Variants in RASGRP3 observed in about 807,000 individuals in gnomAD.
RASGRP3 encodes the protein RAS guanyl releasing protein 3, also known as ras guanyl-releasing protein 3.
RASGRP3 carries 54 observed loss-of-function variants against 82.7 expected under a neutral mutation model. The ratio of observed to expected loss-of-function variants is 0.65; its 90% CI spans 0.52 to 0.82. RASGRP3 has a LOEUF of 0.82. Among genes scored for constraint, RASGRP3 ranks in the 40% least tolerant of loss-of-function variants. The pLI, the probability that RASGRP3 is intolerant of heterozygous loss-of-function variation, is 0.00. For missense variants in RASGRP3, 861 were observed against 828.9 expected (o/e 1.04, Z -0.48); for synonymous variants, 309 against 300.5 (o/e 1.03, Z -0.29).
chr2:33,495,665 A>G (rs1174959602), intron 1 of RASGRP3, among the ~76,000 whole-genome samples: 1 of 152,188 alleles, frequency 6.6e-6, no homozygotes, highest in African/African-American at 2.4e-5. Flanking sequence ...GCTGAGGCAG[A>G]AGGACTGCTT....
At chr2:33,538,426 T>G (rs989340770) in intron 11 of RASGRP3, among the ~76,000 whole-genome samples, 1 of 151,454 alleles carries the variant, frequency 6.6e-6, no homozygotes, top group Non-Finnish European at 1.5e-5. Flanking sequence ...TCGCTTGAAC[T>G]TGGGAGGCAG....
intron 1 of RASGRP3, among the ~76,000 whole-genome samples, chr2:33,443,690 C>T (rs1249362694): frequency 1.6e-5 from 2 of 123,442 alleles, no homozygotes; most frequent in Non-Finnish European, 3.3e-5. Context: ...GCCTGGGCAA[C>T]ATAGTGAGAT....
At chr2:33,467,984 C>CTTTCTTTCTTTCTTT (rs1553336986) in intron 2 of RASGRP3, among the ~76,000 whole-genome samples, 5 of 12,968 alleles carry the variant, frequency 3.9e-4, no homozygotes, top group African/African-American at 1.5e-3. Context: ...GAGGCTTTTT[C>CTTTCTTTCTTTCTTT]TTTCTTTCTT....
At chr2:33,502,105 G>T (rs1669925618) in intron 1 of RASGRP3, among the ~76,000 whole-genome samples, 1 of 152,116 alleles carries the variant, frequency 6.6e-6, no homozygotes, top group African/African-American at 2.4e-5. Context: ...GCCAGTAGAG[G>T]GTTGCTAAAT....
chr2:33,468,755 T>G (rs1302470853), intron 2 of RASGRP3, among the ~76,000 whole-genome samples: 1 of 152,228 alleles, frequency 6.6e-6, no homozygotes. Context: ...ATGTTCTAAT[T>G]TATTCAACTA....
At position 33,559,026 on chromosome 2, in the gene RASGRP3, G is replaced by A; in HGVS notation, c.2060G>A (p.Gly687Asp). ...QDEGEETRQD[G>D]EDG is the part of the protein sequence containing the mutation. The stretch of plus-strand genomic sequence containing the variant: ...GAAGGAGAAGAGACCAGACAGGATG[G>A]TGAGGTAAGTGCTAGGTCAACCCAC... The change falls in exon 17 of 18, where the codon GGT (glycine) becomes GAT (aspartate). Residue 687 changes from glycine (G) to aspartate (D), a missense_variant. Transcript: ENST00000403687. 2 of 1,600,636 alleles carry A rather than the reference G, an allele frequency of 1.2e-6. No individual in the cohort carries two copies. The highest frequency in any genetic ancestry group is 1.7e-6 in the Non-Finnish European group (2 of 1,174,422).
At position 33,518,331 on chromosome 2, in the gene RASGRP3, G is replaced by A. The variant is rs142930091; in HGVS notation, c.174-1621G>A. Among the ~76,000 whole-genome samples, 64 of 152,284 alleles carry A rather than the reference G, an allele frequency of 4.2e-4. No homozygotes were observed. In the East Asian group the frequency reaches 0.011, roughly 27 times the overall value. On this transcript the variant is annotated intron_variant, in intron 4 of 17. Coordinates refer to ENST00000403687, the MANE Select transcript of RASGRP3 (RefSeq NM_001139488.2). ...TTGTGTATCTAAACATAGAAAAGGT[G>A]CAGTAAAAATATGGTATAAAAGATA...
intron 1 of RASGRP3, among the ~76,000 whole-genome samples, chr2:33,503,679 A>G (rs1319262717): frequency 6.6e-6 from 1 of 152,172 alleles, no homozygotes; most frequent in African/African-American, 2.4e-5. Context: ...GTAATTTCAA[A>G]CTGAGACATT....
At position 33,542,486 on chromosome 2, in the gene RASGRP3, G is replaced by A. The variant is rs1383764973; in HGVS notation, c.1279-1026G>A. On this transcript the variant is annotated intron_variant, in intron 12 of 17. Coordinates refer to ENST00000403687, the MANE Select transcript of RASGRP3 (RefSeq NM_001139488.2). ...ATAAATCCCTACTGGGATTTTGATTGGAATTGCATTAAATGTATGCTTTAA... is the reference window on the plus strand; with the variant it reads ...ATAAATCCCTACTGGGATTTTGATTAGAATTGCATTAAATGTATGCTTTAA... 2.0e-5 allele frequency among the ~76,000 whole-genome samples: 3 copies of A among 146,768 alleles called. 1 individual carries two copies. Among genetic ancestry groups the A allele is most frequent in the Non-Finnish European group, 4.6e-5 (3 of 65,572 alleles).
intron 14 of RASGRP3, among the ~76,000 whole-genome samples, chr2:33,552,200 G>A (rs1331476574): frequency 1.3e-5 from 2 of 152,204 alleles, no homozygotes; most frequent in Non-Finnish European, 2.9e-5. Flanking sequence ...TGATGCAGCT[G>A]TGATGAAGTA....
At chr2:33,549,848 G>T in intron 14 of RASGRP3, 97 bp downstream of exon 14, 3 of 1,359,658 alleles carry the variant, frequency 2.2e-6, no homozygotes, top group Non-Finnish European at 3.0e-6. Flanking sequence ...TTCACTGTCT[G>T]CTTTGAATCA....
chr2:33,451,464 T>A (rs978557995), intron 2 of RASGRP3, among the ~76,000 whole-genome samples: 3 of 152,232 alleles, frequency 2.0e-5, no homozygotes, highest in Admixed American at 6.5e-5. Flanking sequence ...TTTGGAGTCA[T>A]ATCTAAGAAA....
chr2:33,471,341 A>ATTTTTTTTTTT (rs70940204), intron 2 of RASGRP3, among the ~76,000 whole-genome samples: 4 of 106,790 alleles, frequency 3.7e-5, no homozygotes, highest in Admixed American at 1.1e-4. Flanking sequence ...ACACTGGGCT[A>ATTTTTTTTTTT]TTTTTTTTTT....
chr2:33,450,802 CTTTT>C (rs1175341646), intron 2 of RASGRP3, among the ~76,000 whole-genome samples: 1 of 58,782 alleles, frequency 1.7e-5, no homozygotes, highest in Non-Finnish European at 4.0e-5. Flanking sequence ...TCTTTTCTTT[CTTTT>C]TCTCTTTCTT....
At chr2:33,511,214 C>T (rs10200743) in intron 1 of RASGRP3, among the ~76,000 whole-genome samples, 120,695 of 152,128 alleles carry the variant, frequency 0.79, 48,120 homozygotes, top group African/African-American at 0.87. Flanking sequence ...CTATCAACAC[C>T]ACAGCAAGTC....
rs972854071 is a variant in RASGRP3 at position 33,480,308 on chromosome 2, G to T, written c.-261+3601G>T. Among the ~76,000 whole-genome samples the T allele has an allele frequency of 2.1e-4, 32 of 152,316 alleles. 1 individual carries two copies. The highest frequency in any genetic ancestry group is 2.6e-4 in the Non-Finnish European group (18 of 68,032). On this transcript the variant is annotated intron_variant, in intron 1 of 17. Coordinates refer to ENST00000403687, the MANE Select transcript of RASGRP3 (RefSeq NM_001139488.2). ...TCCACCCGCCTCGGCCTCCCAAAGT[G>T]CTGGGATTACAGGCGTGAGCCACTG...
intron 1 of RASGRP3, among the ~76,000 whole-genome samples, chr2:33,498,397 T>A (rs1010495886): frequency 2.0e-5 from 3 of 152,306 alleles, no homozygotes; most frequent in Admixed American, 1.3e-4. Flanking sequence ...CTAGAGTCCA[T>A]GCTCTTTACC....
intron 1 of RASGRP3, among the ~76,000 whole-genome samples, chr2:33,505,755 G>C (rs181216043): frequency 3.9e-5 from 6 of 152,340 alleles, no homozygotes; most frequent in South Asian, 4.1e-4. Context: ...GAACACTCGA[G>C]TTGCCATAGT....
chr2:33,511,700 C>T lies in RASGRP3; in HGVS notation c.-260-10C>T, dbSNP rs1017692413. ...TTCTATATGGGGGTTTCTTTCTGTTCTTTTGTCAGGTTCTCCAAAATACTT... is the reference window on the plus strand; with the variant it reads ...TTCTATATGGGGGTTTCTTTCTGTTTTTTTGTCAGGTTCTCCAAAATACTT... On this transcript the variant is annotated splice_polypyrimidine_tract_variant and intron_variant, in intron 1 of 17. Transcript: ENST00000403687. 3 of 152,514 alleles carry T rather than the reference C, an allele frequency of 2.0e-5. No individual in the cohort carries two copies. Among genetic ancestry groups the T allele is most frequent in the African/African-American group, 7.2e-5 (3 of 41,418 alleles). 9.4% of individuals were successfully genotyped at this position (152,514 alleles called of 1,614,324 possible). A position where few individuals can be genotyped will look rare whatever the true frequency, so the allele number is the denominator to read the frequency against.
Sources: gnomAD v4.1 joint callset for allele counts (sites outside exome capture counted in the v4.1 genomes callset) on GRCh38, gnomAD v4.1.1 for gene constraint, MANE v1.5 for transcripts, NCBI Gene and HGNC (gene_info 2026-07-23, HGNC 2026-07-21) for gene names.